Variants in USP4 observed in about 807,000 individuals in gnomAD.
USP4 encodes ubiquitin carboxyl-terminal hydrolase 4.
In USP4, 72 loss-of-function variants were observed where a neutral mutation model predicts 118.2. The observed-to-expected ratio is 0.61, with a 90% confidence interval of 0.50 to 0.74. USP4 has a LOEUF of 0.74. USP4 is among the 30% of genes least tolerant of loss of function. The pLI, the probability that USP4 is intolerant of heterozygous loss-of-function variation, is 0.00. For missense variants in USP4, 1,037 were observed against 1,185.7 expected (o/e 0.87, Z 1.84); for synonymous variants, 415 against 440.4 (o/e 0.94, Z 0.72).
In USP4 at chr3:49,305,767, A is replaced by T; in HGVS notation, c.1076T>A (p.Ile359Asn). 6.2e-7 allele frequency: 1 copy of T among 1,613,624 alleles called. No homozygotes were observed. Reference protein sequence around the residue: ...GEIAEAYAELIKQMWSGRDAH... With the variant: ...GEIAEAYAELNKQMWSGRDAH... Reference sequence around the variant, plus strand: ...GTCCCTTCCAGACCACATCTGCTTAATGAGTTCAGCATAGGCTTCTGCAAT... The same window carrying T: ...GTCCCTTCCAGACCACATCTGCTTATTGAGTTCAGCATAGGCTTCTGCAAT... The change falls in exon 9 of 22, where the codon ATT (isoleucine) becomes AAT (asparagine). Residue 359 changes from isoleucine (I) to asparagine (N), a missense_variant. Coordinates refer to ENST00000265560, the MANE Select transcript of USP4 (RefSeq NM_003363.4).
chr3:49,305,647 G>T, intron 9 of USP4, 68 bp downstream of exon 9: 1 of 1,394,688 alleles, frequency 7.2e-7, no homozygotes, highest in Non-Finnish European at 9.4e-7. Context: ...CTGAAGTCCC[G>T]AAACATTTCT....
In USP4 at chr3:49,324,773, AG is replaced by A. The variant is rs1559478798; in HGVS notation, c.634-11del. The A allele has an allele frequency of 6.2e-6, 10 of 1,614,150 alleles. No homozygotes were observed. Among genetic ancestry groups the A allele is most frequent in the Non-Finnish European group, 8.5e-6 (10 of 1,179,984 alleles). ...GCTCAATTACTAGCACCTGAGTGAA[AG>A]GGGAAACCAAATGAGGAGAGTTCAA... On this transcript the variant is annotated splice_polypyrimidine_tract_variant and intron_variant, in intron 5 of 21. Coordinates refer to ENST00000265560, the MANE Select transcript of USP4 (RefSeq NM_003363.4).
chr3:49,329,090 T>C (rs779470064), intron 2 of USP4, among the ~76,000 whole-genome samples: 13 of 151,362 alleles, frequency 8.6e-5, no homozygotes, highest in Non-Finnish European at 1.5e-4. Context: ...GGCAGGAGAA[T>C]TGTTTGAACC....
chr3:49,292,598 G>T lies in USP4; in HGVS notation c.1884C>A (p.Ser628Arg). 3 of 1,570,292 alleles carry T rather than the reference G, an allele frequency of 1.9e-6. No individual in the cohort carries two copies. The highest frequency in any genetic ancestry group is 2.4e-5 in the South Asian group (2 of 84,188). The change falls in exon 15 of 22, where the codon AGC (serine) becomes AGA (arginine). Residue 628 changes from serine (S) to arginine (R), a missense_variant and splice_region_variant. This residue lies in a region of USP4 where 522 missense variants were observed against 592.6 expected (regional missense o/e 0.88). Coordinates refer to ENST00000265560, the MANE Select transcript of USP4 (RefSeq NM_003363.4). ...CAGGTAAAGGCTGTTTCACATAGCG[G>T]CTTCAAAAAGAGAAAAAGAGAAGAA... ...SLYQAVCDRI[S>R]RYVKQPLPDE...
chr3:49,324,068 A>G (rs11709342), intron 6 of USP4, among the ~76,000 whole-genome samples: 1 of 152,036 alleles, frequency 6.6e-6, no homozygotes, highest in African/African-American at 2.4e-5. Flanking sequence ...GTGCGATCTC[A>G]GCTCACTGCA....
At position 49,294,393 on chromosome 3, in the gene USP4, T is replaced by C. The variant is rs779831245; in HGVS notation, c.1883+14A>G. On this transcript the variant is annotated intron_variant, in intron 14 of 21. Coordinates refer to ENST00000265560, the MANE Select transcript of USP4 (RefSeq NM_003363.4). ...CATCTCAGATAACAACCAAATCACA[T>C]TCCTGCCACCAACCTGATACGATCA... The C allele has an allele frequency of 6.2e-7, 1 of 1,605,972 alleles. No individual in the cohort carries two copies. Among genetic ancestry groups the C allele is most frequent in the Admixed American group, 1.7e-5 (1 of 59,180 alleles).
chr3:49,329,776 C>A (rs2047593300), intron 2 of USP4, among the ~76,000 whole-genome samples: 1 of 152,090 alleles, frequency 6.6e-6, no homozygotes, highest in Non-Finnish European at 1.5e-5. Context: ...TTGCCCAGAT[C>A]CTTCAGGAGA....
In USP4 at chr3:49,277,500, C is replaced by G. The variant is rs1434615560; in HGVS notation, c.*793G>C. 4.7e-6 allele frequency: 1 copy of G among 212,378 alleles called. No homozygotes were observed. The highest frequency in any genetic ancestry group is 1.3e-4 in the East Asian group (1 of 7,600). 13.2% of individuals were successfully genotyped at this position (212,378 alleles called of 1,614,324 possible). A position where few individuals can be genotyped will look rare whatever the true frequency, so the allele number is the denominator to read the frequency against. ...GGAGCCCTTTCCCGGCTAACTCCCACAAAGATTTCTGTTCTCAAGCCAACA... is the reference window on the plus strand; with the variant it reads ...GGAGCCCTTTCCCGGCTAACTCCCAGAAAGATTTCTGTTCTCAAGCCAACA... On this transcript the variant is annotated 3_prime_UTR_variant, in exon 22 of 22. Coordinates refer to ENST00000265560, the MANE Select transcript of USP4 (RefSeq NM_003363.4).
intron 6 of USP4, among the ~76,000 whole-genome samples, chr3:49,324,137 T>C (rs1038101004): frequency 2.0e-5 from 3 of 152,128 alleles, no homozygotes; most frequent in Non-Finnish European, 2.9e-5. Context: ...TAGCTGAGAT[T>C]ACAGGTACCT....
In USP4 at chr3:49,277,202, C is replaced by T. The variant is rs1007476569; in HGVS notation, c.*1091G>A. 12 of 1,346,572 alleles carry T rather than the reference C, an allele frequency of 8.9e-6. No individual in the cohort carries two copies. The highest frequency in any genetic ancestry group is 4.4e-5 in the Admixed American group (2 of 45,186). 83.4% of individuals were successfully genotyped at this position (1,346,572 alleles called of 1,614,324 possible). A position where few individuals can be genotyped will look rare whatever the true frequency, so the allele number is the denominator to read the frequency against. ...TGTCCTCACCCGCAGCGCAGTGACG[C>T]CGACCCATCCAACGGTCATCGCATG... On this transcript the variant is annotated 3_prime_UTR_variant, in exon 22 of 22. Coordinates refer to ENST00000265560, the MANE Select transcript of USP4 (RefSeq NM_003363.4).
Position 49,317,280 on chromosome 3 carries a change from C to T in USP4, c.696-5626G>A, listed in dbSNP as rs1231877861. On this transcript the variant is annotated intron_variant, in intron 6 of 21. Transcript: ENST00000265560. ...GTGCCAGGTTCTCGTTGACGCGGGC[C>T]AGCTTCTCGTTGACGCAGGCCAGCT... 2.0e-6 allele frequency: 3 copies of T among 1,525,390 alleles called. No homozygotes were observed. The Admixed American group carries it at 5.2e-5, about 27-fold the overall frequency. The allele number at this position is 1,525,390 out of a possible 1,614,324, so 94.5% of individuals were successfully genotyped here.
intron 10 of USP4, 40 bp downstream of exon 10, chr3:49,302,344 T>G (rs1473624274): frequency 2.5e-6 from 4 of 1,601,806 alleles, no homozygotes; most frequent in Non-Finnish European, 2.6e-6. Flanking sequence ...GGAGGCAGCT[T>G]CTTTGGCATA....
At chr3:49,290,001 A>T (rs559950185) in intron 15 of USP4, among the ~76,000 whole-genome samples, 195 of 152,274 alleles carry the variant, frequency 1.3e-3, no homozygotes, top group Non-Finnish European at 2.4e-3. Context: ...ACATTCCTGT[A>T]GTCCTGGCTA....
intron 3 of USP4, 78 bp downstream of exon 3, chr3:49,327,608 C>T: frequency 6.6e-7 from 1 of 1,524,438 alleles, no homozygotes; most frequent in South Asian, 1.2e-5. Flanking sequence ...GTTCATTTTC[C>T]TAGCAAACAC....
rs1009258982 is a variant in USP4, at chr3:49,301,692, A to T, written c.1287+692T>A. 6.6e-5 allele frequency among the ~76,000 whole-genome samples: 10 copies of T among 152,264 alleles called. 1 individual carries two copies. Among genetic ancestry groups the T allele is most frequent in the East Asian group, 1.9e-4 (1 of 5,182 alleles). On this transcript the variant is annotated intron_variant, in intron 10 of 21. Coordinates refer to ENST00000265560, the MANE Select transcript of USP4 (RefSeq NM_003363.4). ...AACAGAGTGAGACTCCATCTCAAAA[A>T]AAATAAATAAATAAATTTTAAAAAT...
In USP4 at chr3:49,317,448, G is replaced by A. The variant is rs1003460502; in HGVS notation, c.696-5794C>T. 6.1e-6 allele frequency: 5 copies of A among 822,456 alleles called. No individual in the cohort carries two copies. The African/African-American group carries it at 6.8e-5, about 11-fold the overall frequency. 50.9% of individuals were successfully genotyped at this position (822,456 alleles called of 1,614,324 possible). ...TGTTGTCGTAGTTCTGCAGCGCCAT[G>A]CCCTGCTGGGTCAACATCTCCTGGG... On this transcript the variant is annotated intron_variant, in intron 6 of 21. Coordinates refer to ENST00000265560, the MANE Select transcript of USP4 (RefSeq NM_003363.4).
rs2046974002 is a variant in USP4, at chr3:49,277,325, C to G, written c.*968G>C. 77 of 1,053,580 alleles carry G rather than the reference C, an allele frequency of 7.3e-5. No homozygotes were observed. In the South Asian group the frequency reaches 9.9e-4, roughly 14 times the overall value. The allele number at this position is 1,053,580 out of a possible 1,614,324, so 65.3% of individuals were successfully genotyped here. A position where few individuals can be genotyped will look rare whatever the true frequency, so the allele number is the denominator to read the frequency against. On this transcript the variant is annotated 3_prime_UTR_variant, in exon 22 of 22. Transcript: ENST00000265560. ...GTCCGGTTCCTTAAGGCCTTGCCCA[C>G]ACGCAGCGGCTGGCCCCGCGGTGGG...
Position 49,286,234 on chromosome 3 carries a change from G to T in USP4, c.2064C>A (p.Asp688Glu), listed in dbSNP as rs2047089646. ...TCTTCTTTTGGGTGGTCTCACTGGG[G>T]TCATTTCCTGGCTCATCTTCCCCAC... ...EGSGEDEPGN[D>E]PSETTQKKIK... The change falls in exon 16 of 22, where the codon GAC (aspartate) becomes GAA (glutamate). Residue 688 changes from aspartate to glutamate, a missense_variant. By Grantham distance (45) the Asp-to-Glu change is conservative. Around this residue, in one of 3 missense-constraint regions of USP4, gnomAD observed 522 missense variants for 592.6 expected, o/e 0.88. Transcript: ENST00000265560. The T allele has an allele frequency of 1.2e-6, 2 of 1,614,104 alleles. No individual in the cohort carries two copies. Among genetic ancestry groups the T allele is most frequent in the Non-Finnish European group, 1.7e-6 (2 of 1,180,028 alleles).
In USP4 at chr3:49,304,861, T is replaced by C. The variant is rs182961679; in HGVS notation, c.1128+854A>G. ...TCACTGCACCCTCCACCTCCCAGGT[T>C]CAAGCAATTCTCCTGCCTCAGCATC... On this transcript the variant is annotated intron_variant, in intron 9 of 21. Transcript: ENST00000265560. Among the ~76,000 whole-genome samples, 416 of 151,798 alleles carry C rather than the reference T, an allele frequency of 2.7e-3. 3 individuals are homozygous for C. The highest frequency in any genetic ancestry group is 9.3e-3 in the African/African-American group (386 of 41,388).
Sources: allele counts gnomAD v4.1 joint callset (sites outside exome capture counted in the v4.1 genomes callset), GRCh38; gene constraint gnomAD v4.1.1; regional missense constraint gnomAD v4.1.1; transcripts MANE v1.5; gene names NCBI Gene and HGNC (gene_info 2026-07-23, HGNC 2026-07-21).